PLPP4: variants seen among roughly 807,000 people sequenced by gnomAD.
PLPP4 encodes the protein diacylglycerol pyrophosphate like 2.
Under a neutral mutation model 32.2 loss-of-function variants are expected in PLPP4, and 20 were observed. The ratio of observed to expected loss-of-function variants is 0.62; its 90% CI spans 0.44 to 0.90. The LOEUF (loss-of-function observed/expected upper bound fraction) is 0.90, where lower values mean the gene tolerates loss of function less well. PLPP4 is among the 40% of genes least tolerant of loss of function. PLPP4 has a pLI of 0.00. For synonymous variants in PLPP4, 127 were observed against 133.0 expected (o/e 0.95, Z 0.31); for missense variants, 257 against 353.1 (o/e 0.73, Z 2.18).
At chr10:120,548,289 C>T (rs1365488333) in intron 5 of PLPP4, among the ~76,000 whole-genome samples, 6 of 151,996 alleles carry the variant, frequency 3.9e-5, no homozygotes, top group African/African-American at 1.5e-4. Flanking sequence ...TTCATATATA[C>T]TCAGTGTTTG....
intron 5 of PLPP4, among the ~76,000 whole-genome samples, chr10:120,528,556 A>G (rs1846538765): frequency 6.6e-6 from 1 of 152,140 alleles, no homozygotes; most frequent in Non-Finnish European, 1.5e-5. Context: ...CGAACTTGGC[A>G]AGATCCCCTC....
At chr10:120,538,232 C>T (rs1313135455) in intron 5 of PLPP4, among the ~76,000 whole-genome samples, 2 of 150,790 alleles carry the variant, frequency 1.3e-5, no homozygotes, top group African/African-American at 4.9e-5. Flanking sequence ...TTATGCCTCC[C>T]GGTGAGGCTG....
chr10:120,503,789 C>T (rs1463776784), intron 1 of PLPP4, 29 bp from the exon 2 acceptor site: 1 of 1,600,058 alleles, frequency 6.2e-7, no homozygotes, highest in East Asian at 2.2e-5. Context: ...AACGCTCAAC[C>T]TTCATGTACT....
chr10:120,488,701 C>A (rs1844572662), intron 1 of PLPP4, among the ~76,000 whole-genome samples: 1 of 152,210 alleles, frequency 6.6e-6, no homozygotes, highest in African/African-American at 2.4e-5. Flanking sequence ...CTTGGGCAGG[C>A]TCTGGGTCCT....
At chr10:120,477,366 TAAA>T (rs74603489) in intron 1 of PLPP4, among the ~76,000 whole-genome samples, 3 of 140,194 alleles carry the variant, frequency 2.1e-5, no homozygotes, top group Non-Finnish European at 3.1e-5. Context: ...TATTTCAAGT[TAAA>T]AAAAAAAAAA....
chr10:120,563,030 A>G (rs185436238), intron 5 of PLPP4, among the ~76,000 whole-genome samples: 8 of 152,320 alleles, frequency 5.3e-5, no homozygotes, highest in Admixed American at 5.2e-4. Flanking sequence ...ACCTGAGGTC[A>G]GGAGTTTGAG....
At chr10:120,570,128 C>T (rs900965219) in intron 5 of PLPP4, among the ~76,000 whole-genome samples, 2 of 152,120 alleles carry the variant, frequency 1.3e-5, no homozygotes, top group African/African-American at 4.8e-5. Flanking sequence ...CAGTGCCTGG[C>T]CCATGGGAGG....
chr10:120,510,768 T>C (rs1374656398), intron 2 of PLPP4, among the ~76,000 whole-genome samples: 1 of 152,150 alleles, frequency 6.6e-6, no homozygotes, highest in Non-Finnish European at 1.5e-5. Flanking sequence ...CATTTAAAAA[T>C]GTTTGTGTAC....
In PLPP4 at chr10:120,521,098, A is replaced by G. The variant is rs550650964; in HGVS notation, c.445+3A>G. On this transcript the variant is annotated splice_donor_region_variant and intron_variant, in intron 5 of 6. Coordinates refer to ENST00000398250, the MANE Select transcript of PLPP4 (RefSeq NM_001030059.3). ...CTTCCCCAGCATCCATTCCTCCTGT[A>G]AGTTCATGGCTGGGATTCTCTTAAT... 2.3e-4 allele frequency: 369 copies of G among 1,613,938 alleles called. 6 individuals are homozygous for G. In the South Asian group the frequency reaches 4.0e-3, roughly 18 times the overall value.
chr10:120,544,140 A>G (rs2133968978), intron 5 of PLPP4, among the ~76,000 whole-genome samples: 1 of 152,306 alleles, frequency 6.6e-6, no homozygotes, highest in South Asian at 2.1e-4. Context: ...CCAGAGGTGG[A>G]ATTGCTGGAT....
At chr10:120,541,734 T>C (rs1178464638) in intron 5 of PLPP4, among the ~76,000 whole-genome samples, 2 of 152,074 alleles carry the variant, frequency 1.3e-5, no homozygotes, top group Non-Finnish European at 2.9e-5. Flanking sequence ...TCTCTGGTCA[T>C]GGCCTGCTGT....
At position 120,530,054 on chromosome 10, in the gene PLPP4, C is replaced by T. The variant is rs118161888; in HGVS notation, c.445+8959C>T. Among the ~76,000 whole-genome samples the T allele has an allele frequency of 8.5e-5, 13 of 152,332 alleles. No homozygotes were observed. In the East Asian group the frequency reaches 2.1e-3, roughly 25 times the overall value. On this transcript the variant is annotated intron_variant, in intron 5 of 6. Coordinates refer to ENST00000398250, the MANE Select transcript of PLPP4 (RefSeq NM_001030059.3). ...ATGTCTAGTGAATCCTCATCCCCCG[C>T]GGGTACAGCATTCTGCCCTTCTTGT...
At chr10:120,524,373 C>G (rs996394551) in intron 5 of PLPP4, among the ~76,000 whole-genome samples, 1 of 152,046 alleles carries the variant, frequency 6.6e-6, no homozygotes, top group Admixed American at 6.6e-5. Context: ...CTTAAAAAAT[C>G]AATTTCATAG....
intron 1 of PLPP4, among the ~76,000 whole-genome samples, chr10:120,496,648 GGACC>G (rs1844976175): frequency 2.6e-5 from 4 of 152,116 alleles, no homozygotes; most frequent in Admixed American, 1.3e-4. Flanking sequence ...ATAAGAGTTG[GGACC>G]ATATTTGTAT....
intron 5 of PLPP4, among the ~76,000 whole-genome samples, chr10:120,542,154 G>T (rs1392345997): frequency 6.6e-6 from 1 of 152,210 alleles, no homozygotes; most frequent in Non-Finnish European, 1.5e-5. Flanking sequence ...GAGGAAGACT[G>T]CTGGAGGTTC....
chr10:120,561,261 T>C (rs1356254467), intron 5 of PLPP4, among the ~76,000 whole-genome samples: 2 of 152,232 alleles, frequency 1.3e-5, no homozygotes, highest in Non-Finnish European at 2.9e-5. Context: ...AAGACTGTAT[T>C]ATCTTCTAAC....
At chr10:120,554,744 G>C (rs12219536) in intron 5 of PLPP4, among the ~76,000 whole-genome samples, 5,988 of 151,952 alleles carry the variant, frequency 0.039, 281 homozygotes, top group East Asian at 0.16. Flanking sequence ...GCTGGAGTAG[G>C]AGGAAGAGAG....
chr10:120,574,010 T>C lies in PLPP4; in HGVS notation c.446-1121T>C, dbSNP rs148622089. ...GAGCTCCATCCCCTCAGAAGTACTT[T>C]CTAATCAAGAAGAAAGTTTGGATTA... On this transcript the variant is annotated intron_variant, in intron 5 of 6. Coordinates refer to ENST00000398250, the MANE Select transcript of PLPP4 (RefSeq NM_001030059.3). Among the ~76,000 whole-genome samples, 671 of 152,112 alleles carry C rather than the reference T, an allele frequency of 4.4e-3. 6 individuals carry two copies. The highest frequency in any genetic ancestry group is 0.015 in the African/African-American group (642 of 41,464).
chr10:120,559,004 T>C (rs1329400581), intron 5 of PLPP4, among the ~76,000 whole-genome samples: 1 of 152,226 alleles, frequency 6.6e-6, no homozygotes, highest in African/African-American at 2.4e-5. Context: ...CCCACAGTCT[T>C]GTCGGCACCT....
Sources: allele counts gnomAD v4.1 joint callset (sites outside exome capture counted in the v4.1 genomes callset), GRCh38; gene constraint gnomAD v4.1.1; transcripts MANE v1.5; gene names NCBI Gene and HGNC (gene_info 2026-07-23, HGNC 2026-07-21).